THOC2: variants seen among roughly 807,000 people sequenced by gnomAD.
THOC2 encodes THO complex subunit 2.
In THOC2, 10 loss-of-function variants were observed where a neutral mutation model predicts 128.4. The ratio of observed to expected loss-of-function variants is 0.08; its 90% CI spans 0.05 to 0.13. THOC2 has a LOEUF of 0.13. Ranked by LOEUF, THOC2 falls within the 10% of genes least tolerant of loss-of-function variation. The pLI is 1.00. For missense variants in THOC2, 535 were observed against 1,155.7 expected (o/e 0.46, Z 7.79); for synonymous variants, 393 against 396.9 (o/e 0.99, Z 0.12).
At chrX:123,622,933 T>C (rs968377147) in intron 29 of THOC2, 73 bp from the exon 30 acceptor site, 23 of 914,537 alleles carry the variant, frequency 2.5e-5, no homozygotes, top group Non-Finnish European at 3.5e-5. Flanking sequence ...GCAAAATGAT[T>C]AGAGAATAAT....
At chrX:123,630,072 C>T (rs1312436846) in intron 22 of THOC2, among the ~76,000 whole-genome samples, 1 of 111,667 alleles carries the variant, frequency 9.0e-6, no homozygotes, top group Non-Finnish European at 1.9e-5. Context: ...CTAGGAACCC[C>T]ATAGTCACTA....
intron 25 of THOC2, among the ~76,000 whole-genome samples, chrX:123,625,536 G>C (rs917432611): frequency 1.1e-5 from 1 of 90,606 alleles, no homozygotes; most frequent in South Asian, 4.6e-4. Context: ...TTTTTTTTTT[G>C]AGAAGTGAAG....
intron 12 of THOC2, among the ~76,000 whole-genome samples, chrX:123,664,356 G>A (rs971306680): frequency 3.6e-5 from 4 of 112,183 alleles, no homozygotes; most frequent in Non-Finnish European, 7.5e-5. Flanking sequence ...ATTGACAAAT[G>A]GGATCTAACT....
chrX:123,722,438 A>G (rs2051743662), intron 1 of THOC2, among the ~76,000 whole-genome samples: 1 of 111,158 alleles, frequency 9.0e-6, no homozygotes. Context: ...GAAGCTGGAA[A>G]CCATCATTCT....
At chrX:123,633,824 T>C (rs942312472) in intron 20 of THOC2, 129 bp downstream of exon 20, 1 of 415,034 alleles carries the variant, frequency 2.4e-6, no homozygotes, top group Non-Finnish European at 4.2e-6. Flanking sequence ...GCAGGGGTGG[T>C]TGTGAAAGGA....
At chrX:123,641,676 A>G (rs1260613272) in intron 15 of THOC2, among the ~76,000 whole-genome samples, 1 of 111,136 alleles carries the variant, frequency 9.0e-6, no homozygotes, top group East Asian at 2.8e-4. Flanking sequence ...TTTTCATTCC[A>G]TTCCCTTCTG....
At chrX:123,629,206 A>AACACACATGAAC in intron 22 of THOC2, among the ~76,000 whole-genome samples, 1 of 81,959 alleles carries the variant, frequency 1.2e-5, no homozygotes, top group African/African-American at 4.5e-5. Context: ...ATTATACATG[A>AACACACATGAAC]ACACACACAC....
rs763829678 is a variant in THOC2, at chrX:123,644,558, AAT to A, written c.1661+15_1661+16del. 87 of 1,078,024 alleles carry A rather than the reference AAT, an allele frequency of 8.1e-5. No individual in the cohort carries two copies. The highest frequency in any genetic ancestry group is 1.0e-4 in the Non-Finnish European group (83 of 796,856). The allele number at this position is 1,078,024 out of a possible 1,213,427, so 88.8% of individuals were successfully genotyped here. On this transcript the variant is annotated intron_variant, in intron 15 of 38. Transcript: ENST00000245838. The stretch of plus-strand genomic sequence containing the variant: ...AGATATAATTTAGATTAATATGAAA[AAT>A]AAATTAAAACTTACTTCATGATATA...
At chrX:123,653,082 C>T (rs1286550034) in intron 12 of THOC2, among the ~76,000 whole-genome samples, 2 of 111,526 alleles carry the variant, frequency 1.8e-5, no homozygotes, top group African/African-American at 6.5e-5. Context: ...GATACATAGA[C>T]CAATGGAACA....
intron 28 of THOC2, 31 bp from the exon 29 acceptor site, chrX:123,623,314 A>G: frequency 8.9e-7 from 1 of 1,123,563 alleles, no homozygotes; most frequent in East Asian, 3.1e-5. Context: ...TTAAATATAC[A>G]AACACAAATC....
chrX:123,605,917 C>T (rs1378472099), intron 38 of THOC2, among the ~76,000 whole-genome samples: 1 of 111,073 alleles, frequency 9.0e-6, no homozygotes, highest in East Asian at 2.8e-4. Flanking sequence ...TGAGTGGGGA[C>T]TGACGGAGGT....
intron 9 of THOC2, among the ~76,000 whole-genome samples, chrX:123,669,599 A>G (rs2147811579): frequency 8.9e-6 from 1 of 111,799 alleles, no homozygotes; most frequent in East Asian, 2.8e-4. Context: ...TAGAAGTGTG[A>G]GCCACTGCGC....
intron 32 of THOC2, chrX:123,619,799 A>G (rs930407128): frequency 2.9e-5 from 4 of 136,285 alleles, no homozygotes; most frequent in Non-Finnish European, 4.3e-5. Context: ...GTCACTGTGG[A>G]AGAACAACAT....
At chrX:123,641,950 G>C (rs1302540597) in intron 15 of THOC2, among the ~76,000 whole-genome samples, 2 of 111,948 alleles carry the variant, frequency 1.8e-5, no homozygotes, top group Admixed American at 9.5e-5. Context: ...TGGTAAAATA[G>C]TTATAGCTTA....
chrX:123,684,084 G>A (rs1290162044), intron 8 of THOC2, among the ~76,000 whole-genome samples: 1 of 110,857 alleles, frequency 9.0e-6, no homozygotes, highest in Non-Finnish European at 1.9e-5. Flanking sequence ...ACCCCCCCGG[G>A]TATATTTTAA....
Position 123,649,017 on chromosome X carries a change from C to T in THOC2, c.1387-3642G>A, listed in dbSNP as rs140179851. 6.5e-3 allele frequency among the ~76,000 whole-genome samples: 729 copies of T among 112,341 alleles called. 4 individuals carry two copies. Among genetic ancestry groups the T allele is most frequent in the African/African-American group, 0.022 (673 of 30,956 alleles). ...GGTCCCTGATCCCTGTGCCTCCTGA[C>T]TGAGAGACACTTCCCAGCAGGGGTC... On this transcript the variant is annotated intron_variant, in intron 12 of 38. Transcript: ENST00000245838.
Position 123,639,043 on chromosome X carries a change from AAAC to A in THOC2, c.1747-19_1747-17del, listed in dbSNP as rs762790590. On this transcript the variant is annotated splice_polypyrimidine_tract_variant and intron_variant, in intron 16 of 38. Transcript: ENST00000245838. ...GTGACAAGATCTGGAAAACAGCAACAAACAATAGAAGGCATTAACTGATCAAAG... is the reference window on the plus strand; with the variant it reads ...GTGACAAGATCTGGAAAACAGCAACAAATAGAAGGCATTAACTGATCAAAG... 2.3e-5 allele frequency: 23 copies of A among 981,297 alleles called. No individual in the cohort carries two copies. The South Asian group carries it at 4.5e-4, about 19-fold the overall frequency. The allele number at this position is 981,297 out of a possible 1,213,427, so 80.9% of individuals were successfully genotyped here. A position where few individuals can be genotyped will look rare whatever the true frequency, so the allele number is the denominator to read the frequency against.
intron 12 of THOC2, among the ~76,000 whole-genome samples, chrX:123,659,484 T>C (rs1332455227): frequency 8.9e-6 from 1 of 112,193 alleles, no homozygotes; most frequent in Non-Finnish European, 1.9e-5. Flanking sequence ...GGCAGGAGAA[T>C]TGCTTGAACC....
In THOC2 at chrX:123,636,839, T is replaced by C. The variant is rs181694891; in HGVS notation, c.1922-664A>G. 9.8e-5 allele frequency among the ~76,000 whole-genome samples: 11 copies of C among 111,841 alleles called. No homozygotes were observed. In the South Asian group the frequency reaches 2.3e-3, roughly 23 times the overall value. On this transcript the variant is annotated intron_variant, in intron 18 of 38. Coordinates refer to ENST00000245838, the MANE Select transcript of THOC2 (RefSeq NM_001081550.2). ...CTATTTGCTAAGCACCTAAATGATA[T>C]TGGACAAAACACAAGTCCTGCCCTC...
Sources: gnomAD v4.1 joint callset for allele counts (sites outside exome capture counted in the v4.1 genomes callset) on GRCh38, gnomAD v4.1.1 for gene constraint, MANE v1.5 for transcripts, NCBI Gene and HGNC (gene_info 2026-07-23, HGNC 2026-07-21) for gene names.